The following RBFOX1 variants were observed in gnomAD, a reference collection of about 807,000 sequenced individuals.
RBFOX1 encodes RNA binding protein fox-1 homolog 1.
In RBFOX1, 8 loss-of-function variants were observed where a neutral mutation model predicts 57.7. The observed-to-expected ratio is 0.14, with a 90% CI of 0.08 to 0.25. The LOEUF (loss-of-function observed/expected upper bound fraction) is 0.25, where lower values mean the gene tolerates loss of function less well. Among genes scored for constraint, RBFOX1 ranks in the 10% least tolerant of loss-of-function variants. The pLI, the probability that RBFOX1 is intolerant of heterozygous loss-of-function variation, is 1.00. For missense variants in RBFOX1, 611 were observed against 548.5 expected, an observed-to-expected ratio of 1.11 and a Z score of -1.14; for synonymous variants, 326 against 222.4, an observed-to-expected ratio of 1.47 and a Z score of -4.15.
chr16:5,687,307 G>A (rs1405389801), intron 3 of RBFOX1, among the ~76,000 whole-genome samples: 2 of 152,146 alleles, frequency 1.3e-5, no homozygotes, highest in Non-Finnish European at 2.9e-5. Flanking sequence ...GCAGTAGTGT[G>A]TGGACCGAGA....
intron 3 of RBFOX1, among the ~76,000 whole-genome samples, chr16:5,641,437 A>AG (rs2048872071): frequency 1.3e-5 from 2 of 152,246 alleles, no homozygotes; most frequent in Non-Finnish European, 2.9e-5. Flanking sequence ...AAGCAGGCTG[A>AG]GGGGAGAAAG....
intron 3 of RBFOX1, among the ~76,000 whole-genome samples, chr16:6,787,579 C>T (rs2082177330): frequency 6.6e-6 from 1 of 152,084 alleles, no homozygotes; most frequent in South Asian, 2.1e-4. Flanking sequence ...CGTAAATCAC[C>T]TGTGACACCC....
intron 3 of RBFOX1, among the ~76,000 whole-genome samples, chr16:6,711,466 G>C (rs1293594459): frequency 6.6e-6 from 1 of 152,114 alleles, no homozygotes; most frequent in Non-Finnish European, 1.5e-5. Flanking sequence ...TCAAGGGAGG[G>C]ACCTGGTAGG....
Position 6,902,321 on chromosome 16 carries a change from T to C in RBFOX1, c.-15-149736T>C, listed in dbSNP as rs529780357. On this transcript the variant is annotated intron_variant, in intron 3 of 15. Transcript: ENST00000550418. ...AATGGAAAGCTACTCTTACTTGATA[T>C]GGGTTTCATGGCAAAACTCTGTTAG... 3.3e-5 allele frequency among the ~76,000 whole-genome samples: 5 copies of C among 152,306 alleles called. No individual in the cohort carries two copies. The East Asian group carries it at 7.7e-4, about 24-fold the overall frequency.
chr16:7,023,564 T>TTAA (rs71408495), intron 3 of RBFOX1, among the ~76,000 whole-genome samples: 6 of 43,926 alleles, frequency 1.4e-4, no homozygotes, highest in African/African-American at 5.4e-4. Flanking sequence ...TCGTCTGTAC[T>TTAA]AAAAAAAAAA....
At chr16:5,422,429 A>G (rs2067363228) in intron 1 of RBFOX1, among the ~76,000 whole-genome samples, 2 of 91,342 alleles carry the variant, frequency 2.2e-5, no homozygotes, top group South Asian at 4.8e-4. Context: ...GAGGAGGGAG[A>G]GGGAGTATGA....
chr16:6,767,948 A>AATAAT (rs1476267211), intron 3 of RBFOX1, among the ~76,000 whole-genome samples: 1 of 48,786 alleles, frequency 2.0e-5, no homozygotes, highest in Non-Finnish European at 3.9e-5. Flanking sequence ...TAATAATAAT[A>AATAAT]AGAAGAAGAA....
intron 10 of RBFOX1, among the ~76,000 whole-genome samples, chr16:7,625,146 T>G (rs1435954756): frequency 1.3e-5 from 2 of 152,100 alleles, no homozygotes; most frequent in Non-Finnish European, 2.9e-5. Flanking sequence ...CTCTCCCACC[T>G]TAGTCCTTTA....
At chr16:5,719,768 C>G (rs941293665) in intron 3 of RBFOX1, among the ~76,000 whole-genome samples, 1 of 152,062 alleles carries the variant, frequency 6.6e-6, no homozygotes, top group Middle Eastern at 3.2e-3. Context: ...CTGAATAATC[C>G]ATTGTATGGA....
chr16:6,069,288 C>T (rs1287106814), intron 1 of RBFOX1, among the ~76,000 whole-genome samples: 1 of 151,412 alleles, frequency 6.6e-6, no homozygotes, highest in Non-Finnish European at 1.5e-5. Flanking sequence ...ATTCCAACTA[C>T]TCGGGAGGCT....
intron 1 of RBFOX1, among the ~76,000 whole-genome samples, chr16:6,307,289 AG>A (rs1256616180): frequency 6.6e-6 from 1 of 152,154 alleles, no homozygotes; most frequent in African/African-American, 2.4e-5. Flanking sequence ...AGGCTGAGGC[AG>A]GAGAATGGTG....
chr16:5,484,956 G>A (rs1407124302), intron 2 of RBFOX1, among the ~76,000 whole-genome samples: 1 of 151,984 alleles, frequency 6.6e-6, no homozygotes, highest in Non-Finnish European at 1.5e-5. Flanking sequence ...CTACTTGGGA[G>A]TCTGAAGCAA....
At chr16:6,484,974 G>T (rs1266233462) in intron 2 of RBFOX1, among the ~76,000 whole-genome samples, 1 of 152,158 alleles carries the variant, frequency 6.6e-6, no homozygotes, top group Non-Finnish European at 1.5e-5. Flanking sequence ...CTTAAAATGG[G>T]GACATCTTTC....
chr16:5,617,151 C>G (rs947024830), intron 3 of RBFOX1, among the ~76,000 whole-genome samples: 8 of 151,808 alleles, frequency 5.3e-5, no homozygotes, highest in Non-Finnish European at 1.0e-4. Context: ...CATGAATGCA[C>G]GCACAGATTT....
At chr16:6,995,051 T>G (rs1836292411) in intron 3 of RBFOX1, among the ~76,000 whole-genome samples, 1 of 151,708 alleles carries the variant, frequency 6.6e-6, no homozygotes, top group Non-Finnish European at 1.5e-5. Context: ...GCTGGCTAAT[T>G]ATTGTGACTA....
chr16:6,053,651 A>G (rs2095579791), intron 1 of RBFOX1, among the ~76,000 whole-genome samples: 1 of 152,166 alleles, frequency 6.6e-6, no homozygotes, highest in African/African-American at 2.4e-5. Flanking sequence ...AGTTAAATAA[A>G]TAAAACATTT....
At chr16:6,198,379 C>T (rs766841545) in intron 1 of RBFOX1, among the ~76,000 whole-genome samples, 1 of 152,194 alleles carries the variant, frequency 6.6e-6, no homozygotes, top group Non-Finnish European at 1.5e-5. Flanking sequence ...ACATAATCAG[C>T]ATATTACATG....
At chr16:7,036,078 A>G (rs1380168026) in intron 3 of RBFOX1, among the ~76,000 whole-genome samples, 3 of 152,190 alleles carry the variant, frequency 2.0e-5, no homozygotes, top group Non-Finnish European at 2.9e-5. Context: ...TTGTGTAAAG[A>G]TCTCTTCAGA....
At chr16:6,523,148 A>G (rs1205227520) in intron 2 of RBFOX1, among the ~76,000 whole-genome samples, 1 of 152,164 alleles carries the variant, frequency 6.6e-6, no homozygotes, top group African/African-American at 2.4e-5. Flanking sequence ...GAACGTAGGT[A>G]GCATGGGGTG....
Sources: gnomAD v4.1 joint callset for allele counts (sites outside exome capture counted in the v4.1 genomes callset) on GRCh38, gnomAD v4.1.1 for gene constraint, MANE v1.5 for transcripts, NCBI Gene and HGNC (gene_info 2026-07-23, HGNC 2026-07-21) for gene names.